The following ZNF224 variants were observed in gnomAD, a reference collection of about 807,000 sequenced individuals.
The protein encoded by ZNF224 is bone marrow zinc finger 2.
ZNF224 carries 8 observed loss-of-function variants against 10.5 expected under a neutral mutation model. That is an observed-to-expected ratio of 0.76 (90% CI 0.45 to 1.37). The LOEUF (loss-of-function observed/expected upper bound fraction) is 1.37. Ranked by LOEUF, ZNF224 falls within the 40% of genes most tolerant of loss-of-function variation. The pLI, the probability that ZNF224 is intolerant of heterozygous loss-of-function variation, is 0.00. For synonymous variants in ZNF224, 282 were observed against 287.8 expected (o/e 0.98, Z 0.20); for missense variants, 754 against 854.0 (o/e 0.88, Z 1.46).
chr19:44,103,889 C>T (rs1047123610), intron 5 of ZNF224, among the ~76,000 whole-genome samples: 2 of 152,130 alleles, frequency 1.3e-5, no homozygotes, highest in African/African-American at 4.8e-5. Flanking sequence ...CAGGGTTTCA[C>T]CATGTTAATC....
At chr19:44,103,847 C>T (rs561293800) in intron 5 of ZNF224, among the ~76,000 whole-genome samples, 1 of 152,196 alleles carries the variant, frequency 6.6e-6, no homozygotes, top group East Asian at 1.9e-4. Flanking sequence ...TGCACCACCA[C>T]ACCTGGCTAA....
intron 5 of ZNF224, among the ~76,000 whole-genome samples, chr19:44,104,942 G>A (rs552221342): frequency 2.0e-5 from 3 of 152,206 alleles, no homozygotes; most frequent in Admixed American, 6.5e-5. Context: ...GATTACAGGC[G>A]TGAGCCACCG....
At chr19:44,100,774 T>A in intron 3 of ZNF224, 27 bp from the exon 4 acceptor site, 1 of 1,605,932 alleles carries the variant, frequency 6.2e-7, no homozygotes, top group South Asian at 1.1e-5. Context: ...GTCATGAGAC[T>A]GAGATTGCAT....
Position 44,108,116 on chromosome 19 carries a change from C to G in ZNF224, c.1956C>G (p.Tyr652Ter). ...AAGTTCACAGTGTAGAAAAGCCATA[C>G]AAATGTGAGGACTGTGGGAAGGGCT... The part of the protein sequence containing the change: ...QEKVHSVEKP[Y>*]KCEDCGKGYN... The change falls in exon 6 of 6, where the codon TAC becomes TAG. Residue 652 changes from tyrosine to a stop codon, truncating the protein, a stop_gained. Transcript: ENST00000693561. LOFTEE classifies it low-confidence loss of function (END_TRUNC). 1 of 1,614,156 alleles carries G rather than the reference C, an allele frequency of 6.2e-7. No individual in the cohort carries two copies. Among genetic ancestry groups the G allele is most frequent in the Non-Finnish European group, 8.5e-7 (1 of 1,180,036 alleles).
chr19:44,105,156 A>G (rs1003749107), intron 5 of ZNF224, among the ~76,000 whole-genome samples: 3 of 152,138 alleles, frequency 2.0e-5, no homozygotes, highest in African/African-American at 7.2e-5. Flanking sequence ...CCTAAATCAT[A>G]TTGTTTCACT....
In ZNF224 at chr19:44,107,329, A is replaced by T; in HGVS notation, c.1169A>T (p.His390Leu). 6.3e-7 allele frequency: 1 copy of T among 1,586,154 alleles called. No individual in the cohort carries two copies. The highest frequency in any genetic ancestry group is 8.6e-7 in the Non-Finnish European group (1 of 1,168,328). Reference protein sequence around the residue: ...SFRWASCLLKHQRVHSGEKPF... With the variant: ...SFRWASCLLKLQRVHSGEKPF... Reference sequence around the variant, plus strand: ...AGATGGGCCTCGTGTCTTTTGAAACATCAGCGAGTCCACAGTGGAGAAAAA... The same window carrying T: ...AGATGGGCCTCGTGTCTTTTGAAACTTCAGCGAGTCCACAGTGGAGAAAAA... Residue 390 changes from histidine to leucine, a missense_variant, in exon 6 of 6, where the codon CAT becomes CTT. Transcript: ENST00000693561.
rs1400853092 is a variant in ZNF224, at chr19:44,107,942, G to A, written c.1782G>A (p.Lys594=). ...ATCAAAGAGTGCACACTGGAGAAAA[G>A]CCATACAAATGTGATGAGTGTGGGA... The part of the protein sequence containing the change: ...HSHQRVHTGE[K]PYKCDECGKG... The change falls in exon 6 of 6, where the codon AAG becomes AAA. Residue 594 remains lysine, a synonymous_variant. Transcript: ENST00000693561. 4 of 1,613,862 alleles carry A rather than the reference G, an allele frequency of 2.5e-6. No individual in the cohort carries two copies. Among genetic ancestry groups the A allele is most frequent in the African/African-American group, 1.3e-5 (1 of 74,872 alleles).
chr19:44,106,091 G>C (rs1240920031), intron 5 of ZNF224: 1 of 320,266 alleles, frequency 3.1e-6, no homozygotes, highest in African/African-American at 2.3e-5. Context: ...TCTCCATACT[G>C]TATTTCATAG....
At chr19:44,094,697 G>A (rs956466786) in intron 1 of ZNF224, 167 bp downstream of exon 1, 2 of 152,462 alleles carry the variant, frequency 1.3e-5, no homozygotes, top group Non-Finnish European at 2.9e-5. Context: ...TGCACCCCAC[G>A]CGCGTGGCCA....
chr19:44,102,479 G>T (rs1441390080), intron 5 of ZNF224, among the ~76,000 whole-genome samples: 1 of 152,180 alleles, frequency 6.6e-6, no homozygotes, highest in African/African-American at 2.4e-5. Flanking sequence ...AATGAATGGG[G>T]TGACTTCACT....
At chr19:44,097,621 A>C (rs1466290680) in intron 2 of ZNF224, 185 bp from the exon 3 acceptor site, 1 of 473,992 alleles carries the variant, frequency 2.1e-6, no homozygotes, top group South Asian at 3.7e-5. Flanking sequence ...CATTGTATGG[A>C]TAGACCATGA....
chr19:44,107,559 C>CG lies in ZNF224; in HGVS notation c.1402dup (p.Ala468GlyfsTer8). ...TAAGGAATGTGGGAAGAGCTTTAGT[C>CG]GGGCCCCATGTCTTTTGAAACATGA... On this transcript the variant is annotated frameshift_variant, in exon 6 of 6. Transcript: ENST00000693561. LOFTEE classifies it low-confidence loss of function (END_TRUNC). The CG allele has an allele frequency of 6.2e-7, 1 of 1,610,440 alleles. No individual in the cohort carries two copies. Among genetic ancestry groups the CG allele is most frequent in the Non-Finnish European group, 8.5e-7 (1 of 1,179,088 alleles).
In ZNF224 at chr19:44,107,534, T is replaced by A. The variant is rs1967711774; in HGVS notation, c.1374T>A (p.Cys458Ter). The A allele has an allele frequency of 6.2e-7, 1 of 1,611,722 alleles. No homozygotes were observed. The highest frequency in any genetic ancestry group is 8.5e-7 in the Non-Finnish European group (1 of 1,179,090). The change falls in exon 6 of 6, where the codon TGT (cysteine) becomes TGA (stop). Residue 458 changes from cysteine to a stop codon, truncating the protein, a stop_gained. Coordinates refer to ENST00000693561, the MANE Select transcript of ZNF224 (RefSeq NM_001321645.3). LOFTEE classifies it low-confidence loss of function (END_TRUNC). ...ATACAGGAGAGAAACTGTATAATTG[T>A]AAGGAATGTGGGAAGAGCTTTAGTC... The part of the protein sequence containing the change: ...RVHTGEKLYN[C>*]KECGKSFSRA...
rs58935748 is a variant in ZNF224 at position 44,107,501 on chromosome 19, G to A, written c.1341G>A (p.Gln447=). ...YKRRLDLDFH[Q]RVHTGEKLYN... ...GGAGGTTGGATCTTGACTTTCACCA[G>A]CGCGTCCATACAGGAGAGAAACTGT... The change falls in exon 6 of 6, where the codon CAG becomes CAA. Residue 447 remains glutamine, a synonymous_variant. Transcript: ENST00000693561. 3.1e-6 allele frequency: 5 copies of A among 1,605,278 alleles called. No individual in the cohort carries two copies. Among genetic ancestry groups the A allele is most frequent in the Middle Eastern group, 1.7e-4 (1 of 6,024 alleles).
At position 44,094,418 on chromosome 19, in the gene ZNF224, T is replaced by C. The variant is rs927684287; in HGVS notation, c.-270T>C. On this transcript the variant is annotated 5_prime_UTR_variant, in exon 1 of 6. Coordinates refer to ENST00000693561, the MANE Select transcript of ZNF224 (RefSeq NM_001321645.3). ...GTTGCTGCAGTTTTTCCGCGATAGT[T>C]TGGGGCAGTTCCGCGCGTTGCAGGC... The C allele has an allele frequency of 5.3e-5, 8 of 152,192 alleles. No homozygotes were observed. Among genetic ancestry groups the C allele is most frequent in the Non-Finnish European group, 1.2e-4 (8 of 68,074 alleles). 9.4% of individuals were successfully genotyped at this position (152,192 alleles called of 1,614,324 possible).
At chr19:44,100,727 T>A in intron 3 of ZNF224, 74 bp from the exon 4 acceptor site, 30 of 1,513,176 alleles carry the variant, frequency 2.0e-5, no homozygotes, top group African/African-American at 2.8e-5. Context: ...CCCTCCCCTC[T>A]GTCTGCTCAG....
intron 5 of ZNF224, among the ~76,000 whole-genome samples, chr19:44,101,736 A>G (rs1963753862): frequency 6.6e-6 from 1 of 152,190 alleles, no homozygotes; most frequent in Admixed American, 6.5e-5. Flanking sequence ...AGTCTGATAC[A>G]TCTCACTGGG....
At position 44,109,187 on chromosome 19, in the gene ZNF224, G is replaced by C. The variant is rs1967775328; in HGVS notation, c.*903G>C. 6.5e-6 allele frequency: 1 copy of C among 153,244 alleles called. No homozygotes were observed. The highest frequency in any genetic ancestry group is 2.4e-5 in the African/African-American group (1 of 41,450). 9.5% of individuals were successfully genotyped at this position (153,244 alleles called of 1,614,324 possible). A position where few individuals can be genotyped will look rare whatever the true frequency, so the allele number is the denominator to read the frequency against. On this transcript the variant is annotated 3_prime_UTR_variant, in exon 6 of 6. Coordinates refer to ENST00000693561, the MANE Select transcript of ZNF224 (RefSeq NM_001321645.3). ...AGTGTTTTCAACAGTATTAAGGCAA[G>C]ATTTACAGTAACACTTTTAAAGTGC...
Position 44,108,329 on chromosome 19 carries a change from C to T in ZNF224, c.*45C>T, listed in dbSNP as rs147776395. 556 of 1,536,730 alleles carry T rather than the reference C, an allele frequency of 3.6e-4. 4 individuals carry two copies. The East Asian group carries it at 0.012, about 33-fold the overall frequency. ...AGTCTTCACTCAGTCTTCATGAATG[C>T]AGTCTCATCTGAAAGTTCACAAAGG... On this transcript the variant is annotated 3_prime_UTR_variant, in exon 6 of 6. Coordinates refer to ENST00000693561, the MANE Select transcript of ZNF224 (RefSeq NM_001321645.3).
Sources: allele counts gnomAD v4.1 joint callset (sites outside exome capture counted in the v4.1 genomes callset), GRCh38; gene constraint gnomAD v4.1.1; transcripts MANE v1.5; gene names NCBI Gene and HGNC (gene_info 2026-07-23, HGNC 2026-07-21).